EHMT1: variants seen among roughly 807,000 people sequenced by gnomAD.
EHMT1 encodes euchromatic histone lysine methyltransferase 1.
In EHMT1, 15 loss-of-function variants were observed where a neutral mutation model predicts 147.2. That is an observed-to-expected ratio of 0.10 (90% CI 0.07 to 0.16). EHMT1 has a LOEUF of 0.16. Ranked by LOEUF, EHMT1 falls within the 10% of genes least tolerant of loss-of-function variation. The pLI is 1.00. For missense variants in EHMT1, 1,587 were observed against 1,772.4 expected, an observed-to-expected ratio of 0.90 and a Z score of 1.88; for synonymous variants, 795 against 709.6, an observed-to-expected ratio of 1.12 and a Z score of -1.91.
intron 4 of EHMT1, among the ~76,000 whole-genome samples, chr9:137,739,001 A>G (rs890334755): frequency 6.6e-6 from 1 of 151,870 alleles, no homozygotes; most frequent in Admixed American, 6.6e-5. Context: ...TTCTGAATGT[A>G]TTTAATACCA....
intron 1 of EHMT1, among the ~76,000 whole-genome samples, chr9:137,670,097 T>G (rs1161876439): frequency 6.6e-6 from 1 of 152,152 alleles, no homozygotes. Flanking sequence ...TGGCCTCAAG[T>G]GATCCGCCTG....
chr9:137,703,782 T>G (rs553153928), intron 1 of EHMT1, among the ~76,000 whole-genome samples: 1 of 152,288 alleles, frequency 6.6e-6, no homozygotes, highest in African/African-American at 2.4e-5. Flanking sequence ...CTTCGGCCCA[T>G]TACCCATTTC....
At chr9:137,645,170 G>T (rs192823741) in intron 1 of EHMT1, among the ~76,000 whole-genome samples, 1 of 152,374 alleles carries the variant, frequency 6.6e-6, no homozygotes, top group East Asian at 1.9e-4. Context: ...GCCACGGCCT[G>T]CTTATTTAGC....
At chr9:137,705,243 T>G (rs1419286769) in intron 1 of EHMT1, among the ~76,000 whole-genome samples, 1 of 152,170 alleles carries the variant, frequency 6.6e-6, no homozygotes, top group Non-Finnish European at 1.5e-5. Context: ...TCCTCCTTCC[T>G]TGACCTCTCA....
At chr9:137,642,413 C>T (rs1844559368) in intron 1 of EHMT1, among the ~76,000 whole-genome samples, 1 of 152,136 alleles carries the variant, frequency 6.6e-6, no homozygotes, top group South Asian at 2.1e-4. Context: ...TCACAGGATC[C>T]TCCCACCTCA....
chr9:137,760,993 CGA>C (rs1564710618), intron 9 of EHMT1, among the ~76,000 whole-genome samples: 1 of 152,118 alleles, frequency 6.6e-6, no homozygotes, highest in Non-Finnish European at 1.5e-5. Flanking sequence ...GGCGACAGAG[CGA>C]GACTCTGGCT....
chr9:137,802,860 G>A, intron 18 of EHMT1: 1 of 1,232,118 alleles, frequency 8.1e-7, no homozygotes, highest in Non-Finnish European at 1.0e-6. Flanking sequence ...GGGTTAGGAT[G>A]ACGGCACCAT....
chr9:137,771,510 G>A (rs149874234), intron 10 of EHMT1, among the ~76,000 whole-genome samples: 3 of 152,204 alleles, frequency 2.0e-5, no homozygotes, highest in South Asian at 2.1e-4. Context: ...GAGCATAATC[G>A]TGCTAGTGTC....
At chr9:137,683,212 A>G (rs1005984898) in intron 1 of EHMT1, among the ~76,000 whole-genome samples, 3 of 152,214 alleles carry the variant, frequency 2.0e-5, no homozygotes, top group African/African-American at 7.2e-5. Context: ...GACAGAATAT[A>G]TTACACTTAT....
At chr9:137,687,683 C>T (rs575784303) in intron 1 of EHMT1, among the ~76,000 whole-genome samples, 2 of 152,300 alleles carry the variant, frequency 1.3e-5, no homozygotes, top group African/African-American at 4.8e-5. Context: ...CGCGAGGACA[C>T]GGCAAGAAGA....
rs1258056499 is a variant in EHMT1 at position 137,835,724 on chromosome 9, A to G, written c.*771A>G. The G allele has an allele frequency of 6.6e-6, 1 of 152,648 alleles. No individual in the cohort carries two copies. The highest frequency in any genetic ancestry group is 2.4e-5 in the African/African-American group (1 of 41,466). The allele number at this position is 152,648 out of a possible 1,614,324, so 9.5% of individuals were successfully genotyped here. A position where few individuals can be genotyped will look rare whatever the true frequency, so the allele number is the denominator to read the frequency against. ...GAACATTAGGACAAACACAAAATAA[A>G]AAACAAAACACAGACAACGGTGCTG... On this transcript the variant is annotated 3_prime_UTR_variant, in exon 27 of 27. Coordinates refer to ENST00000460843, the MANE Select transcript of EHMT1 (RefSeq NM_024757.5).
chr9:137,744,667 G>A (rs1401857013), intron 6 of EHMT1, among the ~76,000 whole-genome samples: 1 of 152,256 alleles, frequency 6.6e-6, no homozygotes, highest in African/African-American at 2.4e-5. Flanking sequence ...ATTGCTGACA[G>A]CTTGAAGTGC....
At chr9:137,689,729 A>G (rs1289847196) in intron 1 of EHMT1, among the ~76,000 whole-genome samples, 1 of 152,202 alleles carries the variant, frequency 6.6e-6, no homozygotes, top group Non-Finnish European at 1.5e-5. Context: ...GACACATAAC[A>G]GATGTACACA....
chr9:137,817,481 C>T lies in EHMT1; in HGVS notation c.3417C>T (p.Gly1139=), dbSNP rs747339529. Reference sequence around the variant, plus strand: ...ACCGGACGCGGGACATGGGCTGGGGCGTGCGGTCCCTGCAGGACATCCCAC... The same window carrying T: ...ACCGGACGCGGGACATGGGCTGGGGTGTGCGGTCCCTGCAGGACATCCCAC... The part of the protein sequence containing the change: ...QLYRTRDMGW[G]VRSLQDIPPG... Residue 1139 remains glycine (G), a synonymous_variant, in exon 24 of 27, where the codon GGC becomes GGT. Coordinates refer to ENST00000460843, the MANE Select transcript of EHMT1 (RefSeq NM_024757.5). 76 of 1,614,078 alleles carry T rather than the reference C, an allele frequency of 4.7e-5. 1 individual carries two copies. Among genetic ancestry groups the T allele is most frequent in the South Asian group, 1.9e-4 (17 of 91,092 alleles).
chr9:137,779,409 C>G (rs948209521), intron 13 of EHMT1, among the ~76,000 whole-genome samples: 1 of 152,228 alleles, frequency 6.6e-6, no homozygotes, highest in Non-Finnish European at 1.5e-5. Flanking sequence ...GTTTCTTGTC[C>G]GCAGTTTTTA....
At position 137,743,948 on chromosome 9, in the gene EHMT1, G is replaced by A. The variant is rs1417493734; in HGVS notation, c.1028G>A (p.Ser343Asn). The A allele has an allele frequency of 1.2e-6, 2 of 1,613,774 alleles. No individual in the cohort carries two copies. Among genetic ancestry groups the A allele is most frequent in the Non-Finnish European group, 1.7e-6 (2 of 1,179,912 alleles). Reference protein sequence around the residue: ...GASSLHVNGESLEMDSDEDDS... With the variant: ...GASSLHVNGENLEMDSDEDDS... ...AGCAGCCTGCACGTGAATGGGGAGA[G>A]CCTGGAGATGGACTCGGATGAGGAC... The change falls in exon 6 of 27, where the codon AGC (serine) becomes AAC (asparagine). Residue 343 changes from serine (S) to asparagine (N), a missense_variant. Coordinates refer to ENST00000460843, the MANE Select transcript of EHMT1 (RefSeq NM_024757.5).
chr9:137,639,658 A>AT (rs1844340384), intron 1 of EHMT1, among the ~76,000 whole-genome samples: 1 of 152,074 alleles, frequency 6.6e-6, no homozygotes, highest in South Asian at 2.1e-4. Flanking sequence ...TTTGCATACT[A>AT]TATCTTTTTC....
Position 137,711,115 on chromosome 9 carries a change from C to T in EHMT1, c.85+85C>T, listed in dbSNP as rs537973610. 499 of 1,392,206 alleles carry T rather than the reference C, an allele frequency of 3.6e-4. 2 individuals carry two copies. The South Asian group carries it at 4.4e-3, about 12-fold the overall frequency. 86.2% of individuals were successfully genotyped at this position (1,392,206 alleles called of 1,614,324 possible). On this transcript the variant is annotated intron_variant, in intron 2 of 26. Coordinates refer to ENST00000460843, the MANE Select transcript of EHMT1 (RefSeq NM_024757.5). Reference sequence around the variant, plus strand: ...CTGCTCTTCCTCTCTTATTAGTCCCCGTCTTCTGACTTTCTTTGCTTCACC... The same window carrying T: ...CTGCTCTTCCTCTCTTATTAGTCCCTGTCTTCTGACTTTCTTTGCTTCACC...
intron 1 of EHMT1, among the ~76,000 whole-genome samples, chr9:137,619,296 G>C (rs978920623): frequency 3.4e-5 from 5 of 148,320 alleles, no homozygotes; most frequent in Non-Finnish European, 7.5e-5. Flanking sequence ...GCGGCTGGGG[G>C]AGCGGGCGGG....
Sources: allele counts gnomAD v4.1 joint callset (sites outside exome capture counted in the v4.1 genomes callset), GRCh38; gene constraint gnomAD v4.1.1; transcripts MANE v1.5; gene names NCBI Gene and HGNC (gene_info 2026-07-23, HGNC 2026-07-21).